Variants in GRM5 observed in about 807,000 individuals in gnomAD.
The protein encoded by GRM5 is metabotropic glutamate receptor 5.
In GRM5, 19 loss-of-function variants were observed where a neutral mutation model predicts 83.1. The ratio of observed to expected loss-of-function variants is 0.23; its 90% CI spans 0.16 to 0.34. The LOEUF is 0.34. Ranked by LOEUF, GRM5 falls within the 10% of genes least tolerant of loss-of-function variation. The pLI is 1.00. For synonymous variants in GRM5, 675 were observed against 633.6 expected, an observed-to-expected ratio of 1.07 and a Z score of -0.98; for missense variants, 1,160 against 1,588.3, an observed-to-expected ratio of 0.73 and a Z score of 4.58.
At chr11:88,576,514 T>C (rs921453376) in intron 7 of GRM5, among the ~76,000 whole-genome samples, 3 of 152,190 alleles carry the variant, frequency 2.0e-5, no homozygotes, top group Non-Finnish European at 4.4e-5. Flanking sequence ...AAGTAAGGAA[T>C]AAGGAGGCAT....
chr11:88,535,877 G>A (rs178244), intron 8 of GRM5, among the ~76,000 whole-genome samples: 85,801 of 152,026 alleles, frequency 0.56, 25,164 homozygotes, highest in African/African-American at 0.72. Flanking sequence ...GCTCCTTTCT[G>A]TATGTACCAT....
chr11:88,945,503 G>A (rs1290752385), intron 2 of GRM5, among the ~76,000 whole-genome samples: 1 of 152,010 alleles, frequency 6.6e-6, no homozygotes, highest in Non-Finnish European at 1.5e-5. Context: ...ATACTACAAT[G>A]CTACAGTAAC....
At chr11:89,007,197 C>T (rs900617700) in intron 2 of GRM5, among the ~76,000 whole-genome samples, 5 of 152,188 alleles carry the variant, frequency 3.3e-5, no homozygotes, top group African/African-American at 1.2e-4. Context: ...GCTTCCTTTA[C>T]TTTTTAGCAC....
intron 1 of GRM5, among the ~76,000 whole-genome samples, chr11:89,060,795 A>G (rs1941976232): frequency 6.6e-6 from 1 of 152,202 alleles, no homozygotes; most frequent in Non-Finnish European, 1.5e-5. Flanking sequence ...ATATCAAGAT[A>G]CTATCTCATT....
At chr11:88,845,758 C>CA (rs1944295228) in intron 3 of GRM5, among the ~76,000 whole-genome samples, 2 of 150,042 alleles carry the variant, frequency 1.3e-5, no homozygotes, top group Non-Finnish European at 2.9e-5. Flanking sequence ...ATTGGGAAAA[C>CA]AAAACATTTG....
chr11:88,597,353 C>A lies in GRM5; in HGVS notation c.1395-1G>T. 7.1e-7 allele frequency: 1 copy of A among 1,416,968 alleles called. No individual in the cohort carries two copies. The highest frequency in any genetic ancestry group is 1.2e-5 in the South Asian group (1 of 82,656). 87.8% of individuals were successfully genotyped at this position (1,416,968 alleles called of 1,614,324 possible). On this transcript the variant is annotated splice_acceptor_variant, in intron 5 of 9. Coordinates refer to ENST00000305447, the MANE Select transcript of GRM5 (RefSeq NM_001143831.3). LOFTEE classifies it high-confidence loss of function. The stretch of plus-strand genomic sequence containing the variant: ...TTCCTTGAAATTCATTATTTCATAC[C>A]TTAGGAATAAGAATATGATAATTAT...
In GRM5 at chr11:89,065,757, A is replaced by G. The variant is rs1942087333; in HGVS notation, c.-201+19T>C. On this transcript the variant is annotated intron_variant, in intron 1 of 9. Coordinates refer to ENST00000305447, the MANE Select transcript of GRM5 (RefSeq NM_001143831.3). Reference sequence around the variant, plus strand: ...CGTGGTAACTATAGCCAAGAGAAAGAAAAAGGCGCTGTGCTTACCAGGTGC... The same window carrying G: ...CGTGGTAACTATAGCCAAGAGAAAGGAAAAGGCGCTGTGCTTACCAGGTGC... 1.3e-5 allele frequency: 2 copies of G among 152,250 alleles called. No homozygotes were observed. The highest frequency in any genetic ancestry group is 6.5e-5 in the Admixed American group (1 of 15,288). The allele number at this position is 152,250 out of a possible 1,614,324, so 9.4% of individuals were successfully genotyped here. A position where few individuals can be genotyped will look rare whatever the true frequency, so the allele number is the denominator to read the frequency against.
At chr11:88,694,914 T>C (rs748366945) in intron 3 of GRM5, among the ~76,000 whole-genome samples, 3 of 152,152 alleles carry the variant, frequency 2.0e-5, no homozygotes, top group African/African-American at 7.2e-5. Context: ...GATGACTACA[T>C]GAAAAACTGA....
chr11:88,713,748 C>T (rs1043903931), intron 3 of GRM5, among the ~76,000 whole-genome samples: 1 of 151,932 alleles, frequency 6.6e-6, no homozygotes, highest in Non-Finnish European at 1.5e-5. Context: ...TACAGGTACT[C>T]TCTGATGAAG....
At chr11:88,591,307 A>T (rs2135208556) in intron 6 of GRM5, among the ~76,000 whole-genome samples, 1 of 152,348 alleles carries the variant, frequency 6.6e-6, no homozygotes, top group East Asian at 1.9e-4. Context: ...TCAACAATTC[A>T]ACCCATTCTT....
At chr11:88,642,194 C>T (rs1226897736) in intron 4 of GRM5, among the ~76,000 whole-genome samples, 1 of 152,184 alleles carries the variant, frequency 6.6e-6, no homozygotes, top group Non-Finnish European at 1.5e-5. Context: ...CTTCCATTCT[C>T]CAAAGTGGCA....
At chr11:88,763,009 G>T (rs890765608) in intron 3 of GRM5, among the ~76,000 whole-genome samples, 6 of 151,884 alleles carry the variant, frequency 4.0e-5, no homozygotes, top group Non-Finnish European at 8.8e-5. Context: ...AACAGACGTG[G>T]GAGACTACCA....
intron 2 of GRM5, among the ~76,000 whole-genome samples, chr11:88,913,259 T>C (rs1337000677): frequency 1.3e-5 from 2 of 152,142 alleles, no homozygotes; most frequent in African/African-American, 4.8e-5. Flanking sequence ...TTATATCCCA[T>C]GGTGATATCT....
intron 8 of GRM5, among the ~76,000 whole-genome samples, chr11:88,551,396 C>T (rs1942503344): frequency 6.6e-6 from 1 of 152,144 alleles, no homozygotes; most frequent in African/African-American, 2.4e-5. Context: ...CTACCTCCCA[C>T]CAGCAGACCT....
chr11:89,039,527 T>C (rs1228745078), intron 2 of GRM5, among the ~76,000 whole-genome samples: 1 of 152,088 alleles, frequency 6.6e-6, no homozygotes, highest in Non-Finnish European at 1.5e-5. Context: ...TGAACAGTTC[T>C]GCTAATAAAC....
At chr11:88,801,928 T>A (rs1416578643) in intron 3 of GRM5, among the ~76,000 whole-genome samples, 1 of 152,036 alleles carries the variant, frequency 6.6e-6, no homozygotes, top group Non-Finnish European at 1.5e-5. Context: ...CCTTTTCTGG[T>A]TACACCCATG....
chr11:88,834,240 G>A (rs11021524), intron 3 of GRM5, among the ~76,000 whole-genome samples: 3,881 of 152,088 alleles, frequency 0.026, 175 homozygotes, highest in African/African-American at 0.089. Context: ...CCATACATAT[G>A]TACAAATATG....
At chr11:88,941,680 C>T (rs139432475) in intron 2 of GRM5, among the ~76,000 whole-genome samples, 31 of 152,008 alleles carry the variant, frequency 2.0e-4, no homozygotes, top group Admixed American at 1.5e-3. Context: ...TTTGGCCTAA[C>T]AAATGTTAGG....
intron 8 of GRM5, among the ~76,000 whole-genome samples, chr11:88,541,836 T>C (rs552803170): frequency 1.3e-5 from 2 of 152,320 alleles, no homozygotes; most frequent in African/African-American, 4.8e-5. Context: ...TTCTCACATG[T>C]CAAGGGAGGG....
Sources: gnomAD v4.1 joint callset for allele counts (sites outside exome capture counted in the v4.1 genomes callset) on GRCh38, gnomAD v4.1.1 for gene constraint, MANE v1.5 for transcripts, NCBI Gene and HGNC (gene_info 2026-07-23, HGNC 2026-07-21) for gene names.